The following MACROD1 variants were observed in gnomAD, a reference collection of about 807,000 sequenced individuals.
MACROD1 encodes the protein mono-ADP ribosylhydrolase 1, also known as ADP-ribose glycohydrolase MACROD1.
A neutral mutation model predicts 41.4 loss-of-function variants in MACROD1; 31 were observed. The ratio of observed to expected loss-of-function variants is 0.75; its 90% CI spans 0.56 to 1.01. The LOEUF is 1.01. MACROD1 is among the 50% of genes least tolerant of loss of function. MACROD1 has a pLI of 0.00. For missense variants in MACROD1, 473 were observed against 460.0 expected (o/e 1.03, Z -0.26); for synonymous variants, 252 against 203.4 (o/e 1.24, Z -2.03).
chr11:64,095,939 T>C (rs1047473435), intron 3 of MACROD1, among the ~76,000 whole-genome samples: 15 of 151,246 alleles, frequency 9.9e-5, no homozygotes, highest in African/African-American at 3.6e-4. Flanking sequence ...TGACAGCTCC[T>C]CGCTTTCTCC....
Position 64,036,714 on chromosome 11 carries a change from G to A in MACROD1, c.518-21433C>T, listed in dbSNP as rs558624534. On this transcript the variant is annotated intron_variant, in intron 3 of 10. Coordinates refer to ENST00000255681, the MANE Select transcript of MACROD1 (RefSeq NM_014067.4). The surrounding 1 kb of genome is among the most constrained non-coding windows in gnomAD (Gnocchi z 5.6). ...GCCTCCAACTTCCCTCCCTGTGCGC[G>A]CTGTGGACCGTCAGCCCTGAGCCGG... Among the ~76,000 whole-genome samples the A allele has an allele frequency of 8.5e-5, 13 of 152,152 alleles. No individual in the cohort carries two copies. The South Asian group carries it at 2.7e-3, about 32-fold the overall frequency.
Position 64,151,254 on chromosome 11 carries a change from C to T in MACROD1, c.502G>A (p.Ala168Thr), listed in dbSNP as rs760778212. The T allele has an allele frequency of 1.5e-5, 24 of 1,613,218 alleles. No individual in the cohort carries two copies. The highest frequency in any genetic ancestry group is 6.7e-5 in the African/African-American group (5 of 74,948). The change falls in exon 3 of 11, where the codon GCC becomes ACC. Residue 168 changes from alanine to threonine, a missense_variant. Physicochemically the swap from Ala to Thr is moderately conservative, Grantham distance 58 (BLOSUM62 0). Transcript: ENST00000255681. ...AGCCACTCACCGGCGTTGACGATGG[C>T]GTCCACCTCCAGCTTGGTGATGTCG... ...RSDITKLEVD[A>T]IVNAANSSLL...
rs1945596330 is a variant in MACROD1, at chr11:64,152,452, C to A, written c.299-59G>T. The A allele has an allele frequency of 1.2e-5, 15 of 1,299,162 alleles. No homozygotes were observed. The East Asian group carries it at 2.5e-4, about 22-fold the overall frequency. The allele number at this position is 1,299,162 out of a possible 1,614,324, so 80.5% of individuals were successfully genotyped here. On this transcript the variant is annotated intron_variant, in intron 1 of 10. Transcript: ENST00000255681. ...CAGAGGAACGGGCCTGGGGCTTGCA[C>A]CCCCACATCTCCTTTCTTGCCTCAT... is the stretch of plus-strand genomic sequence containing the variant.
intron 3 of MACROD1, among the ~76,000 whole-genome samples, chr11:64,128,901 C>G (rs1282937550): frequency 5.9e-5 from 9 of 152,218 alleles, no homozygotes; most frequent in Non-Finnish European, 4.4e-5. Flanking sequence ...AGTCGATAAA[C>G]AGTAAATCAA....
At chr11:64,042,048 C>G (rs1190158312) in intron 3 of MACROD1, among the ~76,000 whole-genome samples, 1 of 152,168 alleles carries the variant, frequency 6.6e-6, no homozygotes, top group African/African-American at 2.4e-5. Flanking sequence ...GGGCAGCGGC[C>G]ATGGTGGGCC....
chr11:64,097,263 G>A (rs960603907), intron 3 of MACROD1, among the ~76,000 whole-genome samples: 2 of 152,278 alleles, frequency 1.3e-5, no homozygotes, highest in African/African-American at 4.8e-5. Flanking sequence ...GGGAGGGGCA[G>A]GTGGCTACGG....
chr11:64,159,868 G>A (rs1420790874), intron 1 of MACROD1, among the ~76,000 whole-genome samples: 1 of 152,184 alleles, frequency 6.6e-6, no homozygotes, highest in Non-Finnish European at 1.5e-5. Flanking sequence ...ATCAGACACT[G>A]CTGAAGTGTC....
intron 3 of MACROD1, among the ~76,000 whole-genome samples, chr11:64,092,161 G>C (rs570190244): frequency 1.3e-5 from 2 of 152,344 alleles, no homozygotes; most frequent in Admixed American, 6.5e-5. Context: ...TCCCGAGTGG[G>C]TGGAGTCACT....
At chr11:64,078,788 G>A (rs529829609) in intron 3 of MACROD1, among the ~76,000 whole-genome samples, 1 of 152,240 alleles carries the variant, frequency 6.6e-6, no homozygotes, top group Non-Finnish European at 1.5e-5. Flanking sequence ...TGACTGCAGG[G>A]GGGGAGGCCT....
intron 1 of MACROD1, among the ~76,000 whole-genome samples, chr11:64,159,772 C>T (rs1186986554): frequency 1.3e-5 from 2 of 152,126 alleles, no homozygotes; most frequent in Admixed American, 1.3e-4. Flanking sequence ...CCAGCCTGGG[C>T]AACAAGAGCG....
At chr11:64,032,167 C>T (rs1943303908) in intron 3 of MACROD1, among the ~76,000 whole-genome samples, 1 of 152,216 alleles carries the variant, frequency 6.6e-6, no homozygotes, top group Non-Finnish European at 1.5e-5. Flanking sequence ...ACCTCCTTCC[C>T]CTGCCCCCAG....
In MACROD1 at chr11:64,117,570, G is replaced by T. The variant is rs763957341; in HGVS notation, c.517+33669C>A. 1.9e-6 allele frequency: 3 copies of T among 1,608,182 alleles called. No homozygotes were observed. The East Asian group carries it at 6.7e-5, about 36-fold the overall frequency. ...TGACTACCCCATGGCCACGGGTGATGGCGCCAAGACCCTGGCCATCCACGT... is the reference window on the plus strand; with the variant it reads ...TGACTACCCCATGGCCACGGGTGATTGCGCCAAGACCCTGGCCATCCACGT... On this transcript the variant is annotated intron_variant, in intron 3 of 10. Transcript: ENST00000255681.
intron 3 of MACROD1, chr11:64,116,359 T>C (rs529757926): frequency 6.2e-7 from 1 of 1,613,142 alleles, no homozygotes; most frequent in African/African-American, 1.3e-5. Flanking sequence ...ACCATGGACC[T>C]GCGGGACTGG....
chr11:64,066,272 C>T (rs565132382), intron 3 of MACROD1, among the ~76,000 whole-genome samples: 1 of 126,424 alleles, frequency 7.9e-6, no homozygotes, highest in African/African-American at 3.1e-5. Context: ...ACCCCAGCCT[C>T]GGTGACAGAG....
rs146547511 is a variant in MACROD1, at chr11:64,070,640, C to T, written c.518-55359G>A. Among the ~76,000 whole-genome samples, 468 of 152,256 alleles carry T rather than the reference C, an allele frequency of 3.1e-3. 2 individuals carry two copies. Among genetic ancestry groups the T allele is most frequent in the African/African-American group, 9.7e-3 (405 of 41,556 alleles). On this transcript the variant is annotated intron_variant, in intron 3 of 10. Coordinates refer to ENST00000255681, the MANE Select transcript of MACROD1 (RefSeq NM_014067.4). Reference sequence around the variant, plus strand: ...AGGAGAAAGCACCATAACTAACACTCGGGCTGGGGCCTCAGGGGCCTCCCA... The same window carrying T: ...AGGAGAAAGCACCATAACTAACACTTGGGCTGGGGCCTCAGGGGCCTCCCA...
intron 3 of MACROD1, among the ~76,000 whole-genome samples, chr11:64,107,414 A>G (rs2134579910): frequency 6.6e-6 from 1 of 152,146 alleles, no homozygotes; most frequent in South Asian, 2.1e-4. Context: ...CTAAGACACA[A>G]TTCTAAAGTC....
At chr11:64,000,069 G>A in intron 5 of MACROD1, 158 bp downstream of exon 5, 1 of 646,974 alleles carries the variant, frequency 1.5e-6, no homozygotes. Flanking sequence ...TGTGCTTCCT[G>A]GGGTGTGCGG....
intron 3 of MACROD1, among the ~76,000 whole-genome samples, chr11:64,107,026 G>A (rs1944774471): frequency 6.6e-6 from 1 of 152,058 alleles, no homozygotes; most frequent in Non-Finnish European, 1.5e-5. Context: ...TGGGATTACA[G>A]GCATGCACCA....
In MACROD1 at chr11:64,111,793, T is replaced by A. The variant is rs142902901; in HGVS notation, c.517+39446A>T. On this transcript the variant is annotated intron_variant, in intron 3 of 10. Transcript: ENST00000255681. ...TTCCCATGATCTGGGCCAGTGTCCTTCCCAGTCCCCAATGTAATGAAAGGT... is the reference window on the plus strand; with the variant it reads ...TTCCCATGATCTGGGCCAGTGTCCTACCCAGTCCCCAATGTAATGAAAGGT... 7.7e-4 allele frequency among the ~76,000 whole-genome samples: 117 copies of A among 152,300 alleles called. 1 individual carries two copies. The highest frequency in any genetic ancestry group is 1.6e-4 in the Non-Finnish European group (11 of 68,012).
Sources: allele counts gnomAD v4.1 joint callset (sites outside exome capture counted in the v4.1 genomes callset), GRCh38; gene constraint gnomAD v4.1.1; non-coding constraint Gnocchi (gnomAD v3.1); transcripts MANE v1.5; gene names NCBI Gene and HGNC (gene_info 2026-07-23, HGNC 2026-07-21).